FHIT: variants seen among roughly 807,000 people sequenced by gnomAD.
FHIT encodes bis(5'-adenosyl)-triphosphatase.
FHIT carries 19 observed loss-of-function variants against 17.9 expected under a neutral mutation model. That is an observed-to-expected ratio of 1.06 (90% CI 0.74 to 1.56). FHIT has a LOEUF of 1.56. FHIT is among the 40% of genes most tolerant of loss of function. The pLI, the probability that FHIT is intolerant of heterozygous loss-of-function variation, is 0.00. For synonymous variants in FHIT, 81 were observed against 69.7 expected (o/e 1.16, Z -0.81); for missense variants, 248 against 189.2 (o/e 1.31, Z -1.82).
At chr3:60,192,200 G>C (rs1204773644) in intron 5 of FHIT, among the ~76,000 whole-genome samples, 1 of 147,650 alleles carries the variant, frequency 6.8e-6, no homozygotes, top group African/African-American at 2.5e-5. Context: ...GCAGTGAGCT[G>C]AGTTCACGTC....
chr3:60,898,283 T>A (rs895788868), intron 3 of FHIT, among the ~76,000 whole-genome samples: 3 of 152,152 alleles, frequency 2.0e-5, no homozygotes, highest in Non-Finnish European at 4.4e-5. Context: ...GCTCTTAGGA[T>A]TTAAAAAAAA....
chr3:59,786,730 T>G, intron 8 of FHIT, among the ~76,000 whole-genome samples: 1 of 152,328 alleles, frequency 6.6e-6, no homozygotes, highest in South Asian at 2.1e-4. Context: ...GATTATGCCA[T>G]TGAAAGTAAC....
chr3:60,037,235 T>G (rs1198269856), intron 5 of FHIT, among the ~76,000 whole-genome samples: 2 of 152,190 alleles, frequency 1.3e-5, no homozygotes, highest in East Asian at 3.8e-4. Context: ...GTAGTCTGAG[T>G]TGAACCTTTT....
chr3:60,443,424 T>C (rs7373803), intron 5 of FHIT, among the ~76,000 whole-genome samples: 133,307 of 152,100 alleles, frequency 0.88, 58,918 homozygotes, highest in Non-Finnish European at 0.93. Flanking sequence ...ATAAACAGCT[T>C]TTATTATTTT....
At chr3:60,403,235 G>A (rs1701730448) in intron 5 of FHIT, among the ~76,000 whole-genome samples, 2 of 152,206 alleles carry the variant, frequency 1.3e-5, no homozygotes, top group Non-Finnish European at 2.9e-5. Flanking sequence ...AAAGCAATTA[G>A]TAGGTTTGTC....
intron 5 of FHIT, among the ~76,000 whole-genome samples, chr3:60,051,942 C>T (rs1426417298): frequency 6.6e-6 from 1 of 152,128 alleles, no homozygotes; most frequent in Non-Finnish European, 1.5e-5. Context: ...TGGAACAGGG[C>T]AAGAATATCT....
intron 8 of FHIT, among the ~76,000 whole-genome samples, chr3:59,762,377 A>G (rs1377101887): frequency 6.6e-6 from 1 of 152,142 alleles, no homozygotes; most frequent in East Asian, 1.9e-4. Context: ...ACTAAATTAC[A>G]CTTTTCCTCC....
chr3:60,150,549 T>C (rs776141310), intron 5 of FHIT, among the ~76,000 whole-genome samples: 31 of 152,212 alleles, frequency 2.0e-4, no homozygotes, highest in Non-Finnish European at 3.8e-4. Flanking sequence ...TTGCATTCTT[T>C]AGTCTCAGGT....
intron 5 of FHIT, among the ~76,000 whole-genome samples, chr3:60,122,828 T>G (rs1413811695): frequency 6.6e-6 from 1 of 152,208 alleles, no homozygotes; most frequent in East Asian, 1.9e-4. Flanking sequence ...AAGATTAAAT[T>G]ACAAATTTAC....
At chr3:60,616,088 G>T (rs782484884) in intron 4 of FHIT, among the ~76,000 whole-genome samples, 1 of 151,956 alleles carries the variant, frequency 6.6e-6, no homozygotes, top group Non-Finnish European at 1.5e-5. Flanking sequence ...ACAATTCTTG[G>T]GACTACCATT....
chr3:61,095,383 T>C (rs1435726487), intron 2 of FHIT, among the ~76,000 whole-genome samples: 2 of 152,222 alleles, frequency 1.3e-5, no homozygotes, highest in Non-Finnish European at 2.9e-5. Context: ...TGCATTACTA[T>C]GGAACAATTC....
intron 5 of FHIT, among the ~76,000 whole-genome samples, chr3:60,332,710 A>G (rs1190939788): frequency 6.6e-6 from 1 of 152,190 alleles, no homozygotes; most frequent in East Asian, 1.9e-4. Flanking sequence ...ATGAGGCTTT[A>G]TATAACCAGC....
chr3:60,250,350 G>A (rs1355344752), intron 5 of FHIT, among the ~76,000 whole-genome samples: 1 of 152,114 alleles, frequency 6.6e-6, no homozygotes, highest in African/African-American at 2.4e-5. Flanking sequence ...ATGACTAAAG[G>A]AGCACATTTT....
intron 3 of FHIT, among the ~76,000 whole-genome samples, chr3:61,027,614 G>C (rs1429098806): frequency 6.6e-6 from 1 of 152,190 alleles, no homozygotes; most frequent in Admixed American, 6.5e-5. Flanking sequence ...CTTAAAGTGT[G>C]CCATATCTGT....
chr3:59,752,207 A>G lies in FHIT; in HGVS notation c.*5+14T>C. ...CACGGGAGGGTCTGGGTAATGACGA[A>G]ATGCAGTCTTTACCTGTGTCACTGA... On this transcript the variant is annotated intron_variant, in intron 9 of 9. Coordinates refer to ENST00000492590, the MANE Select transcript of FHIT (RefSeq NM_002012.4). 6.3e-7 allele frequency: 1 copy of G among 1,588,462 alleles called. No homozygotes were observed. Among genetic ancestry groups the G allele is most frequent in the Non-Finnish European group, 8.6e-7 (1 of 1,159,322 alleles).
intron 3 of FHIT, among the ~76,000 whole-genome samples, chr3:60,877,047 G>T (rs556400831): frequency 5.3e-5 from 8 of 152,294 alleles, no homozygotes; most frequent in Non-Finnish European, 8.8e-5. Context: ...CTCACTACTG[G>T]AGTCCTTGTA....
At chr3:61,011,916 G>A (rs2031813053) in intron 3 of FHIT, among the ~76,000 whole-genome samples, 1 of 152,128 alleles carries the variant, frequency 6.6e-6, no homozygotes, top group Admixed American at 6.6e-5. Context: ...GGCATGGGAA[G>A]GACCACAAGG....
chr3:61,009,152 G>A (rs2031644553), intron 3 of FHIT, among the ~76,000 whole-genome samples: 1 of 152,064 alleles, frequency 6.6e-6, no homozygotes, highest in Non-Finnish European at 1.5e-5. Flanking sequence ...CATAAACTCT[G>A]CCCCAGCTTA....
chr3:60,806,688 T>C (rs782637138), intron 4 of FHIT, among the ~76,000 whole-genome samples: 2 of 152,254 alleles, frequency 1.3e-5, no homozygotes, highest in Non-Finnish European at 2.9e-5. Flanking sequence ...TTGCCAGACC[T>C]TTTAACTACT....
Sources: allele counts gnomAD v4.1 joint callset (sites outside exome capture counted in the v4.1 genomes callset), GRCh38; gene constraint gnomAD v4.1.1; transcripts MANE v1.5; gene names NCBI Gene and HGNC (gene_info 2026-07-23, HGNC 2026-07-21).